TRPM2: variants seen among roughly 807,000 people sequenced by gnomAD.
TRPM2 encodes estrogen-responsive element-associated gene 1 protein.
TRPM2 carries 161 observed loss-of-function variants against 174.0 expected under a neutral mutation model. The observed-to-expected ratio is 0.93, with a 90% confidence interval of 0.81 to 1.05. TRPM2 has a LOEUF of 1.05. TRPM2 is among the 50% of genes least tolerant of loss of function. The probability of loss-of-function intolerance (pLI) is 0.00; values close to 1 mark genes in which losing one functional copy is unlikely to be tolerated. For missense variants in TRPM2, 2,057 were observed against 2,038.0 expected, an observed-to-expected ratio of 1.01 and a Z score of -0.18; for synonymous variants, 954 against 861.3, an observed-to-expected ratio of 1.11 and a Z score of -1.88.
intron 22 of TRPM2, among the ~76,000 whole-genome samples, chr21:44,419,710 A>ATGG (rs1403932981): frequency 2.3e-5 from 3 of 129,704 alleles, no homozygotes; most frequent in Non-Finnish European, 3.3e-5. Context: ...AGTGGTGGTG[A>ATGG]TGGTGGTGGT....
At chr21:44,372,823 C>A (rs974729392) in intron 5 of TRPM2, among the ~76,000 whole-genome samples, 2 of 152,190 alleles carry the variant, frequency 1.3e-5, no homozygotes, top group Non-Finnish European at 2.9e-5. Flanking sequence ...GGCTTGGGCA[C>A]CCCCTACCCT....
At position 44,424,897 on chromosome 21, in the gene TRPM2, C is replaced by A. The variant is rs45611537; in HGVS notation, c.3595C>A (p.Arg1199=). 1.2e-6 allele frequency: 2 copies of A among 1,607,682 alleles called. No homozygotes were observed. The highest frequency in any genetic ancestry group is 1.7e-6 in the Non-Finnish European group (2 of 1,178,308). Residue 1199 remains arginine (R), a synonymous_variant, in exon 24 of 32, where the codon CGG becomes AGG. Transcript: ENST00000397928. ...QALHWIVRTL[R]ASGFSSEADV... ...CCTGCACTGGATCGTGAGGACGCTG[C>A]GGGCCAGCGGCTTCAGCTCGGAGGC...
At chr21:44,424,210 T>A (rs1481682726) in intron 23 of TRPM2, among the ~76,000 whole-genome samples, 1 of 152,204 alleles carries the variant, frequency 6.6e-6, no homozygotes, top group Non-Finnish European at 1.5e-5. Flanking sequence ...CTGAGCCCTG[T>A]GGATGGCTCA....
At chr21:44,370,176 G>A (rs1490451617) in intron 5 of TRPM2, among the ~76,000 whole-genome samples, 5 of 152,088 alleles carry the variant, frequency 3.3e-5, no homozygotes, top group Admixed American at 2.6e-4. Context: ...CGAGGGTTCC[G>A]CTAACAGAGC....
At position 44,423,679 on chromosome 21, in the gene TRPM2, C is replaced by A. The variant is rs371590804; in HGVS notation, c.3496C>A (p.Pro1166Thr). The A allele has an allele frequency of 8.7e-6, 14 of 1,612,938 alleles. No individual in the cohort carries two copies. The highest frequency in any genetic ancestry group is 1.1e-5 in the South Asian group (1 of 90,674). ...DAMVDLLDLDPLKRSGSMEQR... is the reference protein window; with the variant it reads ...DAMVDLLDLDTLKRSGSMEQR... Reference sequence around the variant, plus strand: ...CATGGTGGACCTGCTGGACCTGGACCCACTGAAGAGGTCGGGCTCCATGGA... The same window carrying A: ...CATGGTGGACCTGCTGGACCTGGACACACTGAAGAGGTCGGGCTCCATGGA... Residue 1166 changes from proline to threonine, a missense_variant, in exon 23 of 32, where the codon CCA becomes ACA. By Grantham distance (38) the Pro-to-Thr change is conservative. Coordinates refer to ENST00000397928, the MANE Select transcript of TRPM2 (RefSeq NM_003307.4).
intron 19 of TRPM2, among the ~76,000 whole-genome samples, chr21:44,413,541 C>A (rs1367669163): frequency 1.3e-5 from 2 of 152,212 alleles, no homozygotes; most frequent in African/African-American, 2.4e-5. Context: ...CTGCTCCTGG[C>A]CTTTCCTTTT....
chr21:44,408,236 C>G (rs139326468), intron 19 of TRPM2, among the ~76,000 whole-genome samples: 2 of 152,042 alleles, frequency 1.3e-5, no homozygotes, highest in Admixed American at 6.6e-5. Context: ...TGTGAGCTAC[C>G]GCGCAGGGCC....
intron 21 of TRPM2, 145 bp from the exon 22 acceptor site, chr21:44,418,278 G>GGCCCCC: frequency 1.5e-6 from 2 of 1,357,142 alleles, no homozygotes; most frequent in Non-Finnish European, 2.0e-6. Flanking sequence ...TGAGCCCAGA[G>GGCCCCC]GCCCCCTTGG....
In TRPM2 at chr21:44,367,736, C is replaced by T. The variant is rs1602140684; in HGVS notation, c.604+802C>T. ...GGGGTCTGGGGTCTGGTCTTTGCCTCGCAGTGGAGTCGTAACTGAGCCTGA... is the reference window on the plus strand; with the variant it reads ...GGGGTCTGGGGTCTGGTCTTTGCCTTGCAGTGGAGTCGTAACTGAGCCTGA... On this transcript the variant is annotated intron_variant, in intron 4 of 31. Coordinates refer to ENST00000397928, the MANE Select transcript of TRPM2 (RefSeq NM_003307.4). This position sits in a 1 kb window ranked among gnomAD's most constrained non-coding sequence, Gnocchi z 4.6. Among the ~76,000 whole-genome samples the T allele has an allele frequency of 1.3e-5, 2 of 152,338 alleles. No individual in the cohort carries two copies. Among genetic ancestry groups the T allele is most frequent in the East Asian group, 1.9e-4 (1 of 5,180 alleles).
intron 3 of TRPM2, among the ~76,000 whole-genome samples, chr21:44,365,227 G>C (rs376792968): frequency 2.0e-5 from 3 of 152,228 alleles, no homozygotes; most frequent in African/African-American, 7.2e-5. Flanking sequence ...GTGTTGACCA[G>C]CCTTCTGGAG....
intron 12 of TRPM2, among the ~76,000 whole-genome samples, chr21:44,396,969 G>A (rs537391970): frequency 5.3e-5 from 8 of 151,070 alleles, no homozygotes; most frequent in Non-Finnish European, 8.9e-5. Flanking sequence ...GGTTGTGGGC[G>A]TCTCCAACAC....
chr21:44,432,170 G>A lies in TRPM2; in HGVS notation c.3975-2961G>A, dbSNP rs1038760111. ...TGTAACTAAGTACCACAAACTGGGGGGCTTAACAGAAATGGATTATCTCAC... is the reference window on the plus strand; with the variant it reads ...TGTAACTAAGTACCACAAACTGGGGAGCTTAACAGAAATGGATTATCTCAC... On this transcript the variant is annotated intron_variant, in intron 27 of 31. Transcript: ENST00000397928. The surrounding 1 kb of genome is among the most constrained non-coding windows in gnomAD (Gnocchi z 4.9). Among the ~76,000 whole-genome samples, 24 of 152,190 alleles carry A rather than the reference G, an allele frequency of 1.6e-4. No homozygotes were observed. Among genetic ancestry groups the A allele is most frequent in the Non-Finnish European group, 2.2e-4 (15 of 68,034 alleles).
intron 8 of TRPM2, among the ~76,000 whole-genome samples, chr21:44,381,480 A>G (rs910775672): frequency 1.5e-5 from 1 of 68,804 alleles, no homozygotes; most frequent in Non-Finnish European, 2.6e-5. Flanking sequence ...ATGGATGAAT[A>G]GATGGATGGA....
At chr21:44,402,707 C>CGAG (rs1200879061) in intron 16 of TRPM2, among the ~76,000 whole-genome samples, 2 of 152,184 alleles carry the variant, frequency 1.3e-5, no homozygotes, top group African/African-American at 4.8e-5. Context: ...TGGAGCTGGG[C>CGAG]GAGGCCAAGC....
chr21:44,379,439 G>A (rs192445163), intron 8 of TRPM2, among the ~76,000 whole-genome samples: 12 of 152,352 alleles, frequency 7.9e-5, no homozygotes, highest in Admixed American at 2.0e-4. Flanking sequence ...ACACCAGGGC[G>A]GGCTGGGAAC....
chr21:44,367,456 G>A lies in TRPM2; in HGVS notation c.604+522G>A, dbSNP rs1569021947. Among the ~76,000 whole-genome samples, 1 of 152,244 alleles carries A rather than the reference G, an allele frequency of 6.6e-6. No homozygotes were observed. The highest frequency in any genetic ancestry group is 2.1e-4 in the South Asian group (1 of 4,834). ...ATCTCTTCACTTAAGGCAACTGCCT[G>A]GTTGGAGTCAAATCACCTCCCAAGG... On this transcript the variant is annotated intron_variant, in intron 4 of 31. Transcript: ENST00000397928. This position sits in a 1 kb window ranked among gnomAD's most constrained non-coding sequence, Gnocchi z 4.6.
chr21:44,431,532 C>T (rs902301402), intron 27 of TRPM2, among the ~76,000 whole-genome samples: 13 of 152,074 alleles, frequency 8.5e-5, no homozygotes, highest in African/African-American at 2.4e-4. Context: ...TGCAGTGGTG[C>T]GATCTTGGCT....
chr21:44,403,988 A>G (rs2049748224), intron 16 of TRPM2, among the ~76,000 whole-genome samples: 1 of 151,762 alleles, frequency 6.6e-6, no homozygotes, highest in African/African-American at 2.4e-5. Flanking sequence ...ACACATGCAT[A>G]CACACATACA....
In TRPM2 at chr21:44,439,531, G is replaced by C. The variant is rs1024969100; in HGVS notation, c.4269+363G>C. On this transcript the variant is annotated intron_variant, in intron 30 of 31. Coordinates refer to ENST00000397928, the MANE Select transcript of TRPM2 (RefSeq NM_003307.4). This position sits in a 1 kb window ranked among gnomAD's most constrained non-coding sequence, Gnocchi z 5.1. ...TGCCTCGAGCACAGCTGCGCCCAAG[G>C]GTGCTGGGAAGCCAGCCCCTCCCTC... is the stretch of plus-strand genomic sequence containing the variant. Among the ~76,000 whole-genome samples, 2 of 152,062 alleles carry C rather than the reference G, an allele frequency of 1.3e-5. No individual in the cohort carries two copies. The highest frequency in any genetic ancestry group is 1.5e-5 in the Non-Finnish European group (1 of 67,996).
Sources: allele counts gnomAD v4.1 joint callset (sites outside exome capture counted in the v4.1 genomes callset), GRCh38; gene constraint gnomAD v4.1.1; non-coding constraint Gnocchi (gnomAD v3.1); transcripts MANE v1.5; gene names NCBI Gene and HGNC (gene_info 2026-07-23, HGNC 2026-07-21).